The following CDK14 variants were observed in gnomAD, a reference collection of about 807,000 sequenced individuals.
CDK14 encodes the protein cyclin dependent kinase 14.
CDK14 carries 34 observed loss-of-function variants against 60.7 expected under a neutral mutation model. That is an observed-to-expected ratio of 0.56 (90% CI 0.43 to 0.75). The LOEUF is 0.75. Ranked by LOEUF, CDK14 falls within the 30% of genes least tolerant of loss-of-function variation. CDK14 has a pLI of 0.00. For missense variants in CDK14, 482 were observed against 564.1 expected (o/e 0.85, Z 1.47); for synonymous variants, 197 against 203.7 (o/e 0.97, Z 0.28).
At chr7:90,690,583 G>A (rs1801533020) in intron 2 of CDK14, among the ~76,000 whole-genome samples, 1 of 151,906 alleles carries the variant, frequency 6.6e-6, no homozygotes, top group Admixed American at 6.6e-5. Flanking sequence ...TTTCATCTTA[G>A]CAGGAAGTTT....
chr7:90,618,916 T>C (rs1387583730), intron 2 of CDK14, among the ~76,000 whole-genome samples: 1 of 152,200 alleles, frequency 6.6e-6, no homozygotes, highest in Non-Finnish European at 1.5e-5. Flanking sequence ...TTTCTTTTGC[T>C]TTTTGATGAG....
intron 8 of CDK14, among the ~76,000 whole-genome samples, chr7:90,934,984 T>G (rs1584141124): frequency 6.6e-6 from 1 of 152,246 alleles, no homozygotes; most frequent in Admixed American, 6.5e-5. Flanking sequence ...ACAGACTAGG[T>G]AATTTATAAG....
intron 10 of CDK14, among the ~76,000 whole-genome samples, chr7:91,045,087 C>T (rs1414624681): frequency 6.6e-6 from 1 of 152,134 alleles, no homozygotes; most frequent in East Asian, 1.9e-4. Flanking sequence ...CTCAAGGTGT[C>T]TTCAGAGCCT....
intron 12 of CDK14, among the ~76,000 whole-genome samples, chr7:91,097,869 G>A (rs1307798520): frequency 6.6e-6 from 1 of 152,150 alleles, no homozygotes; most frequent in South Asian, 2.1e-4. Context: ...TCTTCCCCCA[G>A]TATTTAGAAC....
At chr7:91,145,670 A>T (rs1349285314) in intron 14 of CDK14, among the ~76,000 whole-genome samples, 2 of 152,346 alleles carry the variant, frequency 1.3e-5, no homozygotes, top group Non-Finnish European at 2.9e-5. Flanking sequence ...TCCCTAAGGA[A>T]ATTCAGTGAG....
chr7:90,968,488 C>T (rs535895211), intron 9 of CDK14, among the ~76,000 whole-genome samples: 3 of 152,230 alleles, frequency 2.0e-5, no homozygotes, highest in African/African-American at 4.8e-5. Context: ...TTTACTGTGG[C>T]GTTTTCTATT....
At chr7:90,949,250 G>C in intron 8 of CDK14, among the ~76,000 whole-genome samples, 1 of 151,802 alleles carries the variant, frequency 6.6e-6, no homozygotes, top group East Asian at 1.9e-4. Flanking sequence ...TGTTGTCCAG[G>C]CTGGAGCAGT....
At chr7:90,711,231 T>G (rs1802047996) in intron 2 of CDK14, among the ~76,000 whole-genome samples, 1 of 152,124 alleles carries the variant, frequency 6.6e-6, no homozygotes, top group African/African-American at 2.4e-5. Context: ...TGTGGTTCAC[T>G]ATGAGTAAAT....
At chr7:90,902,093 G>A in intron 7 of CDK14, among the ~76,000 whole-genome samples, 1 of 151,968 alleles carries the variant, frequency 6.6e-6, no homozygotes, top group South Asian at 2.1e-4. Flanking sequence ...AGTGATCAAA[G>A]AAATTGAAGA....
intron 9 of CDK14, among the ~76,000 whole-genome samples, chr7:90,964,203 G>T (rs1794688744): frequency 6.6e-6 from 1 of 152,132 alleles, no homozygotes; most frequent in African/African-American, 2.4e-5. Context: ...GCAGCCTTTT[G>T]TGATAGTTTT....
chr7:90,814,044 C>A (rs182106122), intron 5 of CDK14, among the ~76,000 whole-genome samples: 71 of 152,276 alleles, frequency 4.7e-4, no homozygotes, highest in African/African-American at 1.6e-3. Flanking sequence ...CTTCCAAATT[C>A]TCTAAATATG....
rs375487786 is a variant in CDK14 at position 90,679,501 on chromosome 7, A to G, written c.124-47066A>G. Among the ~76,000 whole-genome samples the G allele has an allele frequency of 3.9e-5, 6 of 152,310 alleles. No homozygotes were observed. In the East Asian group the frequency reaches 9.7e-4, roughly 25 times the overall value. ...TGTAATGAAAATTATCCCTCACCAA[A>G]TAAATGTATATTTTGTCAAGTTGTC... On this transcript the variant is annotated intron_variant, in intron 2 of 14. Coordinates refer to ENST00000380050, the MANE Select transcript of CDK14 (RefSeq NM_001287135.2).
intron 14 of CDK14, among the ~76,000 whole-genome samples, chr7:91,131,417 G>A (rs1341885792): frequency 6.6e-6 from 1 of 152,088 alleles, no homozygotes; most frequent in Admixed American, 6.6e-5. Context: ...TAAAGCCAAC[G>A]TGATATCCAG....
intron 14 of CDK14, among the ~76,000 whole-genome samples, chr7:91,185,642 A>G (rs1469184285): frequency 1.3e-5 from 2 of 152,088 alleles, no homozygotes; most frequent in South Asian, 2.1e-4. Flanking sequence ...TAGAGAGAGC[A>G]TAGAATTATT....
chr7:90,622,374 T>G (rs1458842688), intron 2 of CDK14, among the ~76,000 whole-genome samples: 1 of 152,216 alleles, frequency 6.6e-6, no homozygotes, highest in Non-Finnish European at 1.5e-5. Context: ...AATGTATGCA[T>G]TATCATCTTG....
intron 11 of CDK14, among the ~76,000 whole-genome samples, chr7:91,063,629 A>G (rs563565749): frequency 6.6e-5 from 10 of 152,314 alleles, no homozygotes; most frequent in Non-Finnish European, 1.2e-4. Flanking sequence ...CAGAATGCCA[A>G]TCCTCACTCT....
intron 12 of CDK14, among the ~76,000 whole-genome samples, chr7:91,108,965 T>C (rs1041979481): frequency 1.3e-5 from 2 of 152,230 alleles, no homozygotes; most frequent in East Asian, 1.9e-4. Flanking sequence ...TTGTGTTGTT[T>C]AGGACATATG....
chr7:90,669,349 C>T (rs1236712284), intron 2 of CDK14, among the ~76,000 whole-genome samples: 2 of 152,142 alleles, frequency 1.3e-5, no homozygotes, highest in African/African-American at 4.8e-5. Flanking sequence ...TGTGAAACTC[C>T]CTACCCACAG....
intron 2 of CDK14, among the ~76,000 whole-genome samples, chr7:90,606,407 G>T (rs1179108154): frequency 1.3e-5 from 2 of 152,144 alleles, no homozygotes; most frequent in African/African-American, 4.8e-5. Flanking sequence ...GAAGGTTTCA[G>T]AATAATGGCT....
Sources: gnomAD v4.1 joint callset for allele counts (sites outside exome capture counted in the v4.1 genomes callset) on GRCh38, gnomAD v4.1.1 for gene constraint, MANE v1.5 for transcripts, NCBI Gene and HGNC (gene_info 2026-07-23, HGNC 2026-07-21) for gene names.